HSD11B2: variants seen among roughly 807,000 people sequenced by gnomAD.
HSD11B2 encodes hydroxysteroid 11-beta dehydrogenase 2.
Under a neutral mutation model 20.9 loss-of-function variants are expected in HSD11B2, and 17 were observed. The ratio of observed to expected loss-of-function variants is 0.81; its 90% CI spans 0.56 to 1.22. HSD11B2 has a LOEUF of 1.22. HSD11B2 is among the 50% of genes most tolerant of loss of function. The probability of loss-of-function intolerance (pLI) is 0.00; values close to 1 mark genes in which losing one functional copy is unlikely to be tolerated. For missense variants in HSD11B2, 480 were observed against 563.6 expected, an observed-to-expected ratio of 0.85 and a Z score of 1.50; for synonymous variants, 253 against 255.4, an observed-to-expected ratio of 0.99 and a Z score of 0.09.
chr16:67,431,285 C>A lies in HSD11B2; in HGVS notation c.37C>A (p.Leu13Met). Residue 13 changes from leucine (L) to methionine (M), a missense_variant, in exon 1 of 5, where the codon CTG becomes ATG. Transcript: ENST00000326152. The part of the protein sequence containing the change: ...RWPWPSGGAW[L>M]LVAARALLQL... The stretch of plus-strand genomic sequence containing the variant: ...GCCTTGGCCGTCGGGCGGCGCCTGG[C>A]TGCTCGTGGCTGCCCGCGCGCTGCT... The A allele has an allele frequency of 7.9e-7, 1 of 1,267,304 alleles. No individual in the cohort carries two copies. The highest frequency in any genetic ancestry group is 2.1e-5 in the South Asian group (1 of 46,980). The allele number at this position is 1,267,304 out of a possible 1,614,324, so 78.5% of individuals were successfully genotyped here. A position where few individuals can be genotyped will look rare whatever the true frequency, so the allele number is the denominator to read the frequency against.
In HSD11B2 at chr16:67,431,525, G is replaced by T; in HGVS notation, c.265+12G>T. 1 of 1,367,864 alleles carries T rather than the reference G, an allele frequency of 7.3e-7. No homozygotes were observed. Among genetic ancestry groups the T allele is most frequent in the Non-Finnish European group, 9.4e-7 (1 of 1,060,870 alleles). The allele number at this position is 1,367,864 out of a possible 1,614,324, so 84.7% of individuals were successfully genotyped here. On this transcript the variant is annotated intron_variant, in intron 1 of 4. Transcript: ENST00000326152. ...GGTGCTCATCACCGGTGAGTGCGCG[G>T]GTCGCGGAGCGCGGGGACTCCAGGC...
chr16:67,429,963 G>A (rs1383301909), upstream of HSD11B2, among the ~76,000 whole-genome samples: 2 of 152,184 alleles, frequency 1.3e-5, no homozygotes, highest in African/African-American at 2.4e-5. Flanking sequence ...TCTTGGGAGG[G>A]CAGGGATGAG....
In HSD11B2 at chr16:67,431,228, G is replaced by T; in HGVS notation, c.-21G>T. On this transcript the variant is annotated 5_prime_UTR_variant, in exon 1 of 5. Transcript: ENST00000326152. ...CCCGGCCCGGCCCCCGCCCCGCCCC[G>T]CCCCAGCCCGCTGGGCCGCCATGGA... 8.5e-7 allele frequency: 1 copy of T among 1,171,006 alleles called. No individual in the cohort carries two copies. Among genetic ancestry groups the T allele is most frequent in the Non-Finnish European group, 1.1e-6 (1 of 947,132 alleles). The allele number at this position is 1,171,006 out of a possible 1,614,324, so 72.5% of individuals were successfully genotyped here.
In HSD11B2 at chr16:67,437,177, AG is replaced by A. The variant is rs1006394482; in HGVS notation, c.*176del. On this transcript the variant is annotated 3_prime_UTR_variant, in exon 5 of 5. Coordinates refer to ENST00000326152, the MANE Select transcript of HSD11B2 (RefSeq NM_000196.4). ...GCCCAATCCAGGCCCGGTGAGGCCAAGGTTTCCCAGTGAGCCTCTGCGCCTC... is the reference window on the plus strand; with the variant it reads ...GCCCAATCCAGGCCCGGTGAGGCCAAGTTTCCCAGTGAGCCTCTGCGCCTC... 1.6e-5 allele frequency: 11 copies of A among 678,900 alleles called. No homozygotes were observed. The African/African-American group carries it at 2.0e-4, about 12-fold the overall frequency. 42.1% of individuals were successfully genotyped at this position (678,900 alleles called of 1,614,324 possible). A position where few individuals can be genotyped will look rare whatever the true frequency, so the allele number is the denominator to read the frequency against.
Position 67,436,156 on chromosome 16 carries a change from C to A in HSD11B2, c.664+14C>A, listed in dbSNP as rs376023420. The A allele has an allele frequency of 3.8e-5, 62 of 1,613,544 alleles. No individual in the cohort carries two copies. The highest frequency in any genetic ancestry group is 1.2e-4 in the South Asian group (11 of 91,070). ...GGAGCCCAGCGGGTGAGTGCCCCCCCCCACTGGAGCAAAAAGGAGCCCCCT... is the reference window on the plus strand; with the variant it reads ...GGAGCCCAGCGGGTGAGTGCCCCCCACCACTGGAGCAAAAAGGAGCCCCCT... On this transcript the variant is annotated intron_variant, in intron 3 of 4. Coordinates refer to ENST00000326152, the MANE Select transcript of HSD11B2 (RefSeq NM_000196.4). This position sits in a 1 kb window ranked among gnomAD's most constrained non-coding sequence, Gnocchi z 5.7.
In HSD11B2 at chr16:67,431,234, G is replaced by T. The variant is rs1174000834; in HGVS notation, c.-15G>T. 4.2e-6 allele frequency: 5 copies of T among 1,192,972 alleles called. No homozygotes were observed. In the East Asian group the frequency reaches 1.6e-4, roughly 39 times the overall value. The allele number at this position is 1,192,972 out of a possible 1,614,324, so 73.9% of individuals were successfully genotyped here. ...CCGGCCCCCGCCCCGCCCCGCCCCA[G>T]CCCGCTGGGCCGCCATGGAGCGCTG... On this transcript the variant is annotated 5_prime_UTR_variant, in exon 1 of 5. Coordinates refer to ENST00000326152, the MANE Select transcript of HSD11B2 (RefSeq NM_000196.4).
intron 1 of HSD11B2, among the ~76,000 whole-genome samples, chr16:67,432,313 G>C (rs549422929): frequency 1.3e-5 from 2 of 152,246 alleles, no homozygotes; most frequent in Non-Finnish European, 1.5e-5. Flanking sequence ...AAAGGCCAGG[G>C]GGCACTGACT....
At position 67,436,346 on chromosome 16, in the gene HSD11B2, G is replaced by C; in HGVS notation, c.762G>C (p.Gly254=). 6.2e-7 allele frequency: 1 copy of C among 1,611,076 alleles called. No homozygotes were observed. The highest frequency in any genetic ancestry group is 8.5e-7 in the Non-Finnish European group (1 of 1,178,858). The change falls in exon 4 of 5, where the codon GGG becomes GGC. Residue 254 remains glycine, a synonymous_variant. Coordinates refer to ENST00000326152, the MANE Select transcript of HSD11B2 (RefSeq NM_000196.4). This position sits in a 1 kb window ranked among gnomAD's most constrained non-coding sequence, Gnocchi z 5.7. ...TCAGCTGTGAACTCCTTCCCTGGGG[G>C]GTCAAGGTCAGCATCATCCAGCCTG... The part of the protein sequence containing the change: ...DTFSCELLPW[G]VKVSIIQPGC...
chr16:67,437,306 C>A lies in HSD11B2; in HGVS notation c.*303C>A. ...AGTCTCATGCAAGACTTCACTGCAG[C>A]CTTTCACAGGACTCTGCAGATAGTG... is the stretch of plus-strand genomic sequence containing the variant. On this transcript the variant is annotated 3_prime_UTR_variant, in exon 5 of 5. Transcript: ENST00000326152. The A allele has an allele frequency of 1.9e-6, 1 of 529,312 alleles. No individual in the cohort carries two copies. Among genetic ancestry groups the A allele is most frequent in the Non-Finnish European group, 3.4e-6 (1 of 294,600 alleles). The allele number at this position is 529,312 out of a possible 1,614,324, so 32.8% of individuals were successfully genotyped here. A position where few individuals can be genotyped will look rare whatever the true frequency, so the allele number is the denominator to read the frequency against.
In HSD11B2 at chr16:67,436,154, C is replaced by G. The variant is rs921812237; in HGVS notation, c.664+12C>G. 5.0e-6 allele frequency: 8 copies of G among 1,613,508 alleles called. No individual in the cohort carries two copies. The highest frequency in any genetic ancestry group is 6.8e-6 in the Non-Finnish European group (8 of 1,179,894). ...GGGGAGCCCAGCGGGTGAGTGCCCC[C>G]CCCCACTGGAGCAAAAAGGAGCCCC... On this transcript the variant is annotated intron_variant, in intron 3 of 4. Transcript: ENST00000326152. The surrounding 1 kb of genome is among the most constrained non-coding windows in gnomAD (Gnocchi z 5.7).
chr16:67,430,840 G>T (rs1047824614), upstream of HSD11B2: 1 of 153,380 alleles, frequency 6.5e-6, no homozygotes, highest in African/African-American at 2.4e-5. This position sits in a 1 kb window ranked among gnomAD's most constrained non-coding sequence, Gnocchi z 5.4. Context: ...GTGGGTGGGG[G>T]CGCGGCGGAG....
Position 67,435,971 on chromosome 16 carries a change from G to C in HSD11B2, c.493G>C (p.Val165Leu). ...TGTGACCCCAGGCCTGTGGGGCCTC[G>C]TCAACAACGCAGGCCACAATGAAGT... ...HTTSTGLWGL[V>L]NNAGHNEVVA... Residue 165 changes from valine to leucine, a missense_variant, in exon 3 of 5, where the codon GTC becomes CTC. Val to Leu is a conservative substitution (Grantham distance 32). This residue lies in a region of HSD11B2 where 374 missense variants were observed against 480.9 expected (regional missense o/e 0.78). Coordinates refer to ENST00000326152, the MANE Select transcript of HSD11B2 (RefSeq NM_000196.4). The C allele has an allele frequency of 2.5e-6, 4 of 1,614,198 alleles. No individual in the cohort carries two copies. Among genetic ancestry groups the C allele is most frequent in the Admixed American group, 1.7e-5 (1 of 60,028 alleles).
chr16:67,434,212 A>G (rs909152202), intron 1 of HSD11B2, among the ~76,000 whole-genome samples: 6 of 152,290 alleles, frequency 3.9e-5, no homozygotes, highest in Middle Eastern at 3.4e-3. Context: ...TTCATCTATC[A>G]TGGTCCCTGT....
Position 67,431,151 on chromosome 16 carries a change from C to T in HSD11B2, c.-98C>T, listed in dbSNP as rs1014240567. On this transcript the variant is annotated 5_prime_UTR_variant, in exon 1 of 5. Transcript: ENST00000326152. ...CGAGTGTCCCTCTCGCGCCCCAGGCCGGTGTACCCCCGCACTCCGCGCCCC... is the reference window on the plus strand; with the variant it reads ...CGAGTGTCCCTCTCGCGCCCCAGGCTGGTGTACCCCCGCACTCCGCGCCCC... 10 of 619,748 alleles carry T rather than the reference C, an allele frequency of 1.6e-5. No individual in the cohort carries two copies. Among genetic ancestry groups the T allele is most frequent in the Admixed American group, 1.1e-4 (2 of 17,600 alleles). 38.4% of individuals were successfully genotyped at this position (619,748 alleles called of 1,614,324 possible). A position where few individuals can be genotyped will look rare whatever the true frequency, so the allele number is the denominator to read the frequency against.
rs1319047698 is a variant in HSD11B2, at chr16:67,431,440, C to T, written c.192C>T (p.Ala64=). Reference sequence around the variant, plus strand: ...CCGCACTCGCCGTGCTGGCCGCCGCCGGCTGGATCGCGTTGTCCCGCCTGG... The same window carrying T: ...CCGCACTCGCCGTGCTGGCCGCCGCTGGCTGGATCGCGTTGTCCCGCCTGG... ...PPAALAVLAA[A]GWIALSRLAR... The change falls in exon 1 of 5, where the codon GCC becomes GCT. Residue 64 remains alanine (A), a synonymous_variant. Transcript: ENST00000326152. 2 of 1,358,496 alleles carry T rather than the reference C, an allele frequency of 1.5e-6. No homozygotes were observed. The highest frequency in any genetic ancestry group is 3.2e-5 in the East Asian group (1 of 31,474). The allele number at this position is 1,358,496 out of a possible 1,614,324, so 84.2% of individuals were successfully genotyped here.
Position 67,431,374 on chromosome 16 carries a change from C to T in HSD11B2, c.126C>T (p.Ala42=), listed in dbSNP as rs568066529. The T allele has an allele frequency of 1.6e-6, 2 of 1,253,972 alleles. No individual in the cohort carries two copies. The highest frequency in any genetic ancestry group is 4.0e-5 in the East Asian group (1 of 24,722). 77.7% of individuals were successfully genotyped at this position (1,253,972 alleles called of 1,614,324 possible). The change falls in exon 1 of 5, where the codon GCC becomes GCT. Residue 42 remains alanine (A), a synonymous_variant. Coordinates refer to ENST00000326152, the MANE Select transcript of HSD11B2 (RefSeq NM_000196.4). ...RPLLAALALL[A]ALDWLCQRLL... ...TGCTGGCGGCGCTGGCGCTGCTGGC[C>T]GCGCTCGACTGGCTGTGCCAGCGCC...
chr16:67,432,779 A>T (rs1287625866), intron 1 of HSD11B2: 1 of 152,248 alleles, frequency 6.6e-6, no homozygotes, highest in Non-Finnish European at 1.5e-5. Context: ...GATGGTAGAG[A>T]TGGGGAAGCA....
At position 67,435,802 on chromosome 16, in the gene HSD11B2, G is replaced by T; in HGVS notation, c.440G>T (p.Arg147Leu). The change falls in exon 2 of 5, where the codon CGC (arginine) becomes CTC (leucine). Residue 147 changes from arginine (R) to leucine (L), a missense_variant. Around this residue, in one of 2 missense-constraint regions of HSD11B2, gnomAD observed 374 missense variants for 480.9 expected, o/e 0.78. Coordinates refer to ENST00000326152, the MANE Select transcript of HSD11B2 (RefSeq NM_000196.4). ...MDLTKPGDISRVLEFTKAHTT... is the reference protein window; with the variant it reads ...MDLTKPGDISLVLEFTKAHTT... ...CTGACCAAACCAGGAGACATTAGCCGCGTGCTAGAGTTCACCAAGGCCCAC... is the reference window on the plus strand; with the variant it reads ...CTGACCAAACCAGGAGACATTAGCCTCGTGCTAGAGTTCACCAAGGCCCAC... The T allele has an allele frequency of 6.2e-7, 1 of 1,614,040 alleles. No individual in the cohort carries two copies. Among genetic ancestry groups the T allele is most frequent in the Non-Finnish European group, 8.5e-7 (1 of 1,180,038 alleles).
In HSD11B2 at chr16:67,431,172, GCCCCGGCCTAGAAGCTCTCTCTCCCCGCT is replaced by G; in HGVS notation, c.-68_-40del. On this transcript the variant is annotated 5_prime_UTR_variant, in exon 1 of 5. Transcript: ENST00000326152. Reference sequence around the variant, plus strand: ...AGGCCGGTGTACCCCCGCACTCCGCGCCCCGGCCTAGAAGCTCTCTCTCCCCGCTCCCCGGCCCGGCCCCCGCCCCGCCC... The same window carrying G: ...AGGCCGGTGTACCCCCGCACTCCGCGCCCCGGCCCGGCCCCCGCCCCGCCC... The G allele has an allele frequency of 1.2e-6, 1 of 830,164 alleles. No individual in the cohort carries two copies. Among genetic ancestry groups the G allele is most frequent in the Non-Finnish European group, 1.5e-6 (1 of 665,252 alleles). The allele number at this position is 830,164 out of a possible 1,614,324, so 51.4% of individuals were successfully genotyped here.
Sources: gnomAD v4.1 joint callset for allele counts (sites outside exome capture counted in the v4.1 genomes callset) on GRCh38, gnomAD v4.1.1 for gene constraint, gnomAD v4.1.1 regional missense constraint, Gnocchi (gnomAD v3.1) non-coding constraint, MANE v1.5 for transcripts, NCBI Gene and HGNC (gene_info 2026-07-23, HGNC 2026-07-21) for gene names.